Variants in CTNNA2 observed in about 807,000 individuals in gnomAD.
CTNNA2 encodes the protein catenin alpha 2.
CTNNA2 carries 42 observed loss-of-function variants against 101.0 expected under a neutral mutation model. The ratio of observed to expected loss-of-function variants is 0.42; its 90% CI spans 0.32 to 0.54. The LOEUF is 0.54. CTNNA2 is among the 20% of genes least tolerant of loss of function. CTNNA2 has a pLI of 0.14. For synonymous variants in CTNNA2, 450 were observed against 456.4 expected (o/e 0.99, Z 0.18); for missense variants, 871 against 1,223.1 (o/e 0.71, Z 4.29).
chr2:79,322,950 A>G (rs985239720), intron 3 of CTNNA2, among the ~76,000 whole-genome samples: 3 of 152,208 alleles, frequency 2.0e-5, no homozygotes, highest in African/African-American at 7.2e-5. Context: ...CCAAGTTTCT[A>G]TGCCTGGTTA....
At position 80,139,464 on chromosome 2, in the gene CTNNA2, C is replaced by T. The variant is rs75504053; in HGVS notation, c.1056+229667C>T. On this transcript the variant is annotated intron_variant, in intron 7 of 18. Coordinates refer to ENST00000402739, the MANE Select transcript of CTNNA2 (RefSeq NM_001282597.3). ...TCCTTTCCATTTCTGTACATCACAA[C>T]ACCAAGATTTTACTGCTTAGGATCT... Among the ~76,000 whole-genome samples, 631 of 152,202 alleles carry T rather than the reference C, an allele frequency of 4.1e-3. 2 individuals carry two copies. The highest frequency in any genetic ancestry group is 0.02 in the East Asian group (105 of 5,168).
At chr2:80,306,510 C>G (rs1245195869) in intron 7 of CTNNA2, among the ~76,000 whole-genome samples, 1 of 150,258 alleles carries the variant, frequency 6.7e-6, no homozygotes, top group African/African-American at 2.5e-5. Context: ...CTCTCTGTCA[C>G]TCTTGCTGCC....
chr2:79,378,745 C>T (rs1301583778), intron 4 of CTNNA2, among the ~76,000 whole-genome samples: 2 of 152,190 alleles, frequency 1.3e-5, no homozygotes, highest in East Asian at 3.9e-4. Context: ...GCCCAAATAA[C>T]CATTTATAAT....
intron 7 of CTNNA2, among the ~76,000 whole-genome samples, chr2:80,271,502 A>G (rs183728559): frequency 0.059 from 8,888 of 151,574 alleles, 447 homozygotes; most frequent in South Asian, 0.29. Context: ...GCTCACTGCA[A>G]GCTCCACCTC....
In CTNNA2 at chr2:79,448,764, A is replaced by G. The variant is rs189637378; in HGVS notation, c.-134-56290A>G. Among the ~76,000 whole-genome samples the G allele has an allele frequency of 8.5e-5, 13 of 152,168 alleles. No homozygotes were observed. In the East Asian group the frequency reaches 2.3e-3, roughly 27 times the overall value. The stretch of plus-strand genomic sequence containing the variant: ...AGGTCTTCTGGCTGCTCAAAGACAC[A>G]TATAGTTAGTTTATGCCATGAAGAG... On this transcript the variant is annotated intron_variant, in intron 4 of 21. Coordinates refer to the CTNNA2 transcript ENST00000466387.
intron 9 of CTNNA2, among the ~76,000 whole-genome samples, chr2:80,464,177 A>C (rs987240755): frequency 6.6e-6 from 1 of 152,176 alleles, no homozygotes; most frequent in African/African-American, 2.4e-5. Context: ...CTCCAGCCTG[A>C]ACTGTGAGAA....
chr2:79,589,359 A>G (rs1461930290), intron 1 of CTNNA2, among the ~76,000 whole-genome samples: 2 of 152,216 alleles, frequency 1.3e-5, no homozygotes, highest in Admixed American at 6.5e-5. Flanking sequence ...TCGTAAAAGA[A>G]ATAATTGGTC....
At chr2:80,230,069 A>C (rs1709107614) in intron 7 of CTNNA2, among the ~76,000 whole-genome samples, 1 of 152,162 alleles carries the variant, frequency 6.6e-6, no homozygotes, top group Non-Finnish European at 1.5e-5. Flanking sequence ...TGTAGCCTAC[A>C]AGCAGTAGGC....
At chr2:79,377,618 T>C (rs1050293380) in intron 4 of CTNNA2, among the ~76,000 whole-genome samples, 3 of 152,178 alleles carry the variant, frequency 2.0e-5, no homozygotes, top group Non-Finnish European at 2.9e-5. Flanking sequence ...GTTTGTTTCC[T>C]TTCCAGAATA....
intron 3 of CTNNA2, among the ~76,000 whole-genome samples, chr2:79,814,808 T>C (rs999484198): frequency 1.5e-4 from 23 of 152,188 alleles, no homozygotes; most frequent in Non-Finnish European, 1.3e-4. Flanking sequence ...ATGAGATTGC[T>C]GGATCAAATG....
At chr2:79,637,698 T>G (rs1484719399) in intron 1 of CTNNA2, among the ~76,000 whole-genome samples, 2 of 152,238 alleles carry the variant, frequency 1.3e-5, no homozygotes, top group Admixed American at 6.5e-5. Flanking sequence ...CATATTTCTG[T>G]GAAGTTTCTT....
chr2:79,448,686 T>A (rs1041854226), intron 4 of CTNNA2, among the ~76,000 whole-genome samples: 2 of 152,016 alleles, frequency 1.3e-5, no homozygotes, highest in African/African-American at 4.8e-5. Flanking sequence ...AGAAAACCAG[T>A]ATTCAGGCTT....
At chr2:80,326,124 G>A (rs563588417) in intron 7 of CTNNA2, among the ~76,000 whole-genome samples, 115 of 152,252 alleles carry the variant, frequency 7.6e-4, no homozygotes, top group African/African-American at 2.5e-3. Flanking sequence ...ACATATTGAG[G>A]GAACTTGCTG....
chr2:80,643,891 G>C (rs1349950229), intron 18 of CTNNA2, among the ~76,000 whole-genome samples: 1 of 152,172 alleles, frequency 6.6e-6, no homozygotes, highest in African/African-American at 2.4e-5. Flanking sequence ...AGTCAGCAAG[G>C]ATTTGGGCTA....
chr2:80,637,830 C>T (rs1405138477), intron 18 of CTNNA2, among the ~76,000 whole-genome samples: 1 of 152,152 alleles, frequency 6.6e-6, no homozygotes, highest in Non-Finnish European at 1.5e-5. Flanking sequence ...CCAACCTGCA[C>T]CCAAACCGCA....
In CTNNA2 at chr2:79,217,361, A is replaced by T. The variant is rs1674277500; in HGVS notation, c.-406+19285A>T. 2.6e-5 allele frequency among the ~76,000 whole-genome samples: 4 copies of T among 152,130 alleles called. No homozygotes were observed. In the South Asian group the frequency reaches 8.3e-4, roughly 31 times the overall value. On this transcript the variant is annotated intron_variant, in intron 2 of 21. Coordinates refer to the CTNNA2 transcript ENST00000466387. Reference sequence around the variant, plus strand: ...CAAACAGGCTTTGTGTGAGCAATAAAGCTGTTTATTTCACCTGGGTGCAGG... The same window carrying T: ...CAAACAGGCTTTGTGTGAGCAATAATGCTGTTTATTTCACCTGGGTGCAGG...
At chr2:79,535,479 C>G (rs1350366442) in intron 1 of CTNNA2, among the ~76,000 whole-genome samples, 3 of 152,072 alleles carry the variant, frequency 2.0e-5, no homozygotes. Flanking sequence ...GCTAGGATTA[C>G]AGGGGTGAGC....
At chr2:80,293,281 T>G (rs368796772) in intron 7 of CTNNA2, among the ~76,000 whole-genome samples, 39 of 152,326 alleles carry the variant, frequency 2.6e-4, no homozygotes, top group African/African-American at 8.4e-4. Flanking sequence ...CAGCTCTGTG[T>G]GCTGCTGAGC....
rs566151475 is a variant in CTNNA2, at chr2:79,852,105, T to C, written c.299-5908T>C. On this transcript the variant is annotated intron_variant, in intron 3 of 18. Coordinates refer to ENST00000402739, the MANE Select transcript of CTNNA2 (RefSeq NM_001282597.3). ...ATAAAAAACATGAACTATCAGTATA[T>C]GTTGGATAATTTATGTAATTAGATA... is the stretch of plus-strand genomic sequence containing the variant. 2.6e-5 allele frequency among the ~76,000 whole-genome samples: 4 copies of C among 152,298 alleles called. No individual in the cohort carries two copies. The East Asian group carries it at 7.7e-4, about 29-fold the overall frequency.
Sources: allele counts gnomAD v4.1 joint callset (sites outside exome capture counted in the v4.1 genomes callset), GRCh38; gene constraint gnomAD v4.1.1; transcripts MANE v1.5; gene names NCBI Gene and HGNC (gene_info 2026-07-23, HGNC 2026-07-21).